NOS1AP: variants seen among roughly 807,000 people sequenced by gnomAD.
The protein encoded by NOS1AP is nitric oxide synthase 1 adaptor protein.
A neutral mutation model predicts 56.2 loss-of-function variants in NOS1AP; 21 were observed. The ratio of observed to expected loss-of-function variants is 0.37; its 90% CI spans 0.26 to 0.54. The LOEUF is 0.54. NOS1AP is among the 20% of genes least tolerant of loss of function. NOS1AP has a pLI of 0.84. For synonymous variants in NOS1AP, 270 were observed against 274.6 expected, an observed-to-expected ratio of 0.98 and a Z score of 0.17; for missense variants, 522 against 657.8, an observed-to-expected ratio of 0.79 and a Z score of 2.26.
At chr1:162,114,449 A>T (rs974146366) in intron 1 of NOS1AP, among the ~76,000 whole-genome samples, 1 of 152,094 alleles carries the variant, frequency 6.6e-6, no homozygotes, top group African/African-American at 2.4e-5. Flanking sequence ...TCAGGCTCAC[A>T]TATATTATCT....
intron 6 of NOS1AP, among the ~76,000 whole-genome samples, chr1:162,352,432 T>C (rs6686019): frequency 0.016 from 2,505 of 152,160 alleles, 62 homozygotes; most frequent in African/African-American, 0.056. Flanking sequence ...TTTTTTTTTT[T>C]TCTGACATTC....
chr1:162,154,253 A>G, intron 1 of NOS1AP, 152 bp from the exon 2 acceptor site: 1 of 667,570 alleles, frequency 1.5e-6, no homozygotes, highest in South Asian at 1.8e-5. Flanking sequence ...TTATAAAGTT[A>G]GAAACAGACT....
chr1:162,365,086 G>GCACA (rs1658028179), intron 8 of NOS1AP: 6 of 1,324,212 alleles, frequency 4.5e-6, no homozygotes, highest in East Asian at 6.6e-5. Flanking sequence ...GTGCACGTGT[G>GCACA]TGTGTACGTG....
At chr1:162,075,072 C>G (rs752913535) in intron 1 of NOS1AP, among the ~76,000 whole-genome samples, 1 of 152,146 alleles carries the variant, frequency 6.6e-6, no homozygotes, top group Non-Finnish European at 1.5e-5. Flanking sequence ...CAAGATTGCA[C>G]GTGGGATGAG....
chr1:162,322,596 C>T (rs1482338622), intron 4 of NOS1AP, among the ~76,000 whole-genome samples: 1 of 152,158 alleles, frequency 6.6e-6, no homozygotes, highest in Non-Finnish European at 1.5e-5. Flanking sequence ...TGATGTGTAT[C>T]ATATCCCTGG....
At chr1:162,356,825 T>C in intron 7 of NOS1AP, 135 bp from the exon 8 acceptor site, 3 of 1,582,042 alleles carry the variant, frequency 1.9e-6, no homozygotes, top group Non-Finnish European at 1.7e-6. Context: ...CCCATTTCCA[T>C]TGAAGATATA....
chr1:162,186,445 T>A (rs985894026), intron 2 of NOS1AP, among the ~76,000 whole-genome samples: 2 of 152,078 alleles, frequency 1.3e-5, no homozygotes, highest in African/African-American at 4.8e-5. Flanking sequence ...ACCCCAGCTC[T>A]CTCCCACTGG....
intron 2 of NOS1AP, among the ~76,000 whole-genome samples, chr1:162,276,222 T>C (rs1654730009): frequency 6.6e-6 from 1 of 152,182 alleles, no homozygotes; most frequent in Non-Finnish European, 1.5e-5. Context: ...AAAACAGTGC[T>C]CTTCCTACAT....
chr1:162,336,960 G>A (rs1448216037), intron 5 of NOS1AP, among the ~76,000 whole-genome samples: 2 of 152,206 alleles, frequency 1.3e-5, no homozygotes, highest in African/African-American at 4.8e-5. Flanking sequence ...GCATCCAGTG[G>A]AGATGCTTGC....
chr1:162,078,439 T>C (rs1202666841), intron 1 of NOS1AP, among the ~76,000 whole-genome samples: 5 of 152,314 alleles, frequency 3.3e-5, no homozygotes, highest in Admixed American at 1.3e-4. Flanking sequence ...ATGTCCAGGC[T>C]CTACTCTCCT....
At chr1:162,143,232 A>G (rs1649311349) in intron 1 of NOS1AP, among the ~76,000 whole-genome samples, 1 of 151,508 alleles carries the variant, frequency 6.6e-6, no homozygotes, top group African/African-American at 2.4e-5. Flanking sequence ...GCCATTCACC[A>G]CTTCCGTCTT....
intron 8 of NOS1AP, chr1:162,364,219 C>T (rs1233870704): frequency 4.1e-6 from 4 of 985,504 alleles, no homozygotes; most frequent in South Asian, 4.7e-5. Flanking sequence ...CCTGCATCCT[C>T]GTCCCACCTC....
intron 8 of NOS1AP, among the ~76,000 whole-genome samples, chr1:162,362,279 C>T (rs141371269): frequency 1.3e-5 from 2 of 151,978 alleles, no homozygotes; most frequent in East Asian, 1.9e-4. Flanking sequence ...GGGGAAACCC[C>T]GTCTCTACTA....
At chr1:162,306,207 G>A (rs1337117115) in intron 4 of NOS1AP, among the ~76,000 whole-genome samples, 1 of 152,204 alleles carries the variant, frequency 6.6e-6, no homozygotes, top group Non-Finnish European at 1.5e-5. Flanking sequence ...AAAGGGGACA[G>A]GTGCAGAAGT....
At chr1:162,326,127 A>G (rs1656583484) in intron 4 of NOS1AP, among the ~76,000 whole-genome samples, 1 of 152,244 alleles carries the variant, frequency 6.6e-6, no homozygotes, top group African/African-American at 2.4e-5. Flanking sequence ...GGTTGAGAGA[A>G]GGAAAATAAT....
At chr1:162,070,762 A>G (rs1259825202) in intron 1 of NOS1AP, among the ~76,000 whole-genome samples, 2 of 151,608 alleles carry the variant, frequency 1.3e-5, no homozygotes, top group East Asian at 1.9e-4. Flanking sequence ...TTTTTTTTAA[A>G]CTCCAGGTAA....
chr1:162,331,815 G>A (rs1387661739), intron 4 of NOS1AP, among the ~76,000 whole-genome samples: 1 of 152,204 alleles, frequency 6.6e-6, no homozygotes, highest in Non-Finnish European at 1.5e-5. Flanking sequence ...CCCCACAGCA[G>A]TCAGACCTGG....
chr1:162,365,066 G>A (rs1255425700), intron 8 of NOS1AP: 1 of 1,165,344 alleles, frequency 8.6e-7, no homozygotes, highest in Non-Finnish European at 1.1e-6. Context: ...GTGCGTGTGT[G>A]TGTGTATATG....
intron 1 of NOS1AP, among the ~76,000 whole-genome samples, chr1:162,129,955 T>C (rs1648676749): frequency 6.6e-6 from 1 of 152,250 alleles, no homozygotes; most frequent in Admixed American, 6.5e-5. Context: ...ATGAATATGC[T>C]TAATTAATTA....
Sources: allele counts gnomAD v4.1 joint callset (sites outside exome capture counted in the v4.1 genomes callset), GRCh38; gene constraint gnomAD v4.1.1; transcripts MANE v1.5; gene names NCBI Gene and HGNC (gene_info 2026-07-23, HGNC 2026-07-21).